The following NKAIN2 variants were observed in gnomAD, a reference collection of about 807,000 sequenced individuals.
NKAIN2 encodes the protein sodium/potassium transporting ATPase interacting 2.
A neutral mutation model predicts 32.6 loss-of-function variants in NKAIN2; 14 were observed. The ratio of observed to expected loss-of-function variants is 0.43; its 90% CI spans 0.28 to 0.67. The LOEUF (loss-of-function observed/expected upper bound fraction) is 0.67, where lower values mean the gene tolerates loss of function less well. Ranked by LOEUF, NKAIN2 falls within the 30% of genes least tolerant of loss-of-function variation. The pLI is 0.17. For missense variants in NKAIN2, 198 were observed against 258.3 expected (o/e 0.77, Z 1.60); for synonymous variants, 80 against 87.2 (o/e 0.92, Z 0.46).
intron 1 of NKAIN2, among the ~76,000 whole-genome samples, chr6:123,805,367 TG>T (rs527904372): frequency 1.8e-3 from 281 of 152,322 alleles, no homozygotes; most frequent in Non-Finnish European, 3.3e-3. Context: ...TAAGTGTTCT[TG>T]TTTATCAGTT....
chr6:124,818,280 T>C, intron 5 of NKAIN2, 107 bp from the exon 6 acceptor site: 1 of 480,158 alleles, frequency 2.1e-6, no homozygotes, highest in Non-Finnish European at 3.8e-6. Flanking sequence ...CTTTTAGAAG[T>C]TTAATAGATT....
chr6:124,008,557 T>C (rs1780183929), intron 1 of NKAIN2, among the ~76,000 whole-genome samples: 1 of 152,104 alleles, frequency 6.6e-6, no homozygotes, highest in Non-Finnish European at 1.5e-5. Context: ...CTAATGCCAT[T>C]GTGAGGCCTC....
chr6:124,278,912 A>G (rs1418602349), intron 1 of NKAIN2, among the ~76,000 whole-genome samples: 1 of 152,052 alleles, frequency 6.6e-6, no homozygotes, highest in South Asian at 2.1e-4. Flanking sequence ...ATTAAAATGC[A>G]ATGCCTTAAT....
In NKAIN2 at chr6:124,752,602, T is replaced by G. The variant is rs188495314; in HGVS notation, c.475-38737T>G. On this transcript the variant is annotated intron_variant, in intron 4 of 6. Coordinates refer to ENST00000368417, the MANE Select transcript of NKAIN2 (RefSeq NM_001040214.3). The stretch of plus-strand genomic sequence containing the variant: ...GTTTGGGGAGTGTAAGCATTTACAA[T>G]AAGCAGCTAATTTCACAGGATGACA... 5.6e-3 allele frequency among the ~76,000 whole-genome samples: 853 copies of G among 151,938 alleles called. 2 individuals carry two copies. Among genetic ancestry groups the G allele is most frequent in the Non-Finnish European group, 8.5e-3 (575 of 67,900 alleles).
intron 1 of NKAIN2, among the ~76,000 whole-genome samples, chr6:123,993,543 G>T (rs568658235): frequency 4.1e-4 from 63 of 152,074 alleles, no homozygotes; most frequent in Non-Finnish European, 6.8e-4. Flanking sequence ...TACCATCTTT[G>T]AAATAAAACA....
At chr6:124,081,108 ATATTGAC>A (rs1783948996) in intron 1 of NKAIN2, among the ~76,000 whole-genome samples, 1 of 152,098 alleles carries the variant, frequency 6.6e-6, no homozygotes, top group Non-Finnish European at 1.5e-5. Context: ...TTTATATTGC[ATATTGAC>A]TTTCCTCTAT....
chr6:124,717,129 C>CA (rs1775792705), intron 4 of NKAIN2, among the ~76,000 whole-genome samples: 1 of 152,198 alleles, frequency 6.6e-6, no homozygotes, highest in East Asian at 1.9e-4. Flanking sequence ...TTGACACTTT[C>CA]TCATTATTTG....
rs531676634 is a variant in NKAIN2, at chr6:124,736,215, T to G, written c.475-55124T>G. On this transcript the variant is annotated intron_variant, in intron 4 of 6. Coordinates refer to ENST00000368417, the MANE Select transcript of NKAIN2 (RefSeq NM_001040214.3). ...ACAGCCACAAAATTCCCCAAAGCTCTCTTCACTTGTATGAAGGCTGAGAGA... is the reference window on the plus strand; with the variant it reads ...ACAGCCACAAAATTCCCCAAAGCTCGCTTCACTTGTATGAAGGCTGAGAGA... Among the ~76,000 whole-genome samples the G allele has an allele frequency of 3.9e-5, 6 of 152,054 alleles. No individual in the cohort carries two copies. The East Asian group carries it at 1.2e-3, about 30-fold the overall frequency.
At chr6:124,605,007 C>G (rs1782445339) in intron 3 of NKAIN2, among the ~76,000 whole-genome samples, 1 of 152,018 alleles carries the variant, frequency 6.6e-6, no homozygotes, top group African/African-American at 2.4e-5. Flanking sequence ...CGGGCTTCCT[C>G]TAAACTTGTC....
Position 123,804,085 on chromosome 6 carries a change from A to G in NKAIN2, c.-116A>G. On this transcript the variant is annotated 5_prime_UTR_variant, in exon 1 of 7. Transcript: ENST00000368417. ...GACGCTGGCAGCAGCAGCAGCCCGG[A>G]GCCCCCGAGCCCTCGGCAGGTTTGC... 2.2e-6 allele frequency: 2 copies of G among 913,660 alleles called. No homozygotes were observed. Among genetic ancestry groups the G allele is most frequent in the East Asian group, 2.4e-5 (1 of 41,642 alleles). The allele number at this position is 913,660 out of a possible 1,614,324, so 56.6% of individuals were successfully genotyped here. A position where few individuals can be genotyped will look rare whatever the true frequency, so the allele number is the denominator to read the frequency against.
chr6:123,948,359 T>C (rs929250947), intron 1 of NKAIN2, among the ~76,000 whole-genome samples: 2 of 152,080 alleles, frequency 1.3e-5, no homozygotes, highest in African/African-American at 4.8e-5. Context: ...TTTTCCATAA[T>C]TGCTGTACTA....
chr6:124,709,527 G>A (rs1395771813), intron 4 of NKAIN2, among the ~76,000 whole-genome samples: 1 of 151,030 alleles, frequency 6.6e-6, no homozygotes, highest in Non-Finnish European at 1.5e-5. Context: ...TCCTGTTATT[G>A]GTCTATTCAG....
At chr6:123,980,499 G>C (rs1372755011) in intron 1 of NKAIN2, among the ~76,000 whole-genome samples, 1 of 152,162 alleles carries the variant, frequency 6.6e-6, no homozygotes, top group Non-Finnish European at 1.5e-5. Context: ...TTGCTGAAAC[G>C]TCGTCTTGAT....
intron 4 of NKAIN2, among the ~76,000 whole-genome samples, chr6:124,664,002 T>C (rs1354009784): frequency 6.6e-6 from 1 of 152,092 alleles, no homozygotes; most frequent in Non-Finnish European, 1.5e-5. Flanking sequence ...TGCTAATGCT[T>C]GGTGGCTCAT....
intron 1 of NKAIN2, among the ~76,000 whole-genome samples, chr6:124,243,425 G>A (rs1412740609): frequency 1.3e-5 from 2 of 151,954 alleles, no homozygotes; most frequent in African/African-American, 2.4e-5. Context: ...AATCTGGGAG[G>A]TGGAGGTTGC....
chr6:124,270,866 G>A (rs1198991296), intron 1 of NKAIN2, among the ~76,000 whole-genome samples: 1 of 152,156 alleles, frequency 6.6e-6, no homozygotes, highest in Non-Finnish European at 1.5e-5. Context: ...ACTGTCATTT[G>A]AACAGCTACA....
Position 124,069,687 on chromosome 6 carries a change from T to C in NKAIN2, c.55-213318T>C, listed in dbSNP as rs79233690. Reference sequence around the variant, plus strand: ...TGTGGAGATATGGCTCAAGTGTAGATGAATGAATGAGGGCCATGCATAGAA... The same window carrying C: ...TGTGGAGATATGGCTCAAGTGTAGACGAATGAATGAGGGCCATGCATAGAA... On this transcript the variant is annotated intron_variant, in intron 1 of 6. Transcript: ENST00000368417. Among the ~76,000 whole-genome samples, 1,490 of 152,222 alleles carry C rather than the reference T, an allele frequency of 9.8e-3. 23 individuals are homozygous for C. The highest frequency in any genetic ancestry group is 0.034 in the African/African-American group (1,417 of 41,540).
In NKAIN2 at chr6:124,156,358, C is replaced by T. The variant is rs1173626773; in HGVS notation, c.55-126647C>T. Among the ~76,000 whole-genome samples the T allele has an allele frequency of 2.6e-5, 4 of 152,234 alleles. No homozygotes were observed. The East Asian group carries it at 7.7e-4, about 29-fold the overall frequency. On this transcript the variant is annotated intron_variant, in intron 1 of 6. Coordinates refer to ENST00000368417, the MANE Select transcript of NKAIN2 (RefSeq NM_001040214.3). Reference sequence around the variant, plus strand: ...TATTGAGCACCTTCCCTAGATACAGCTATCCTACATACCAGGATTTCAGCA... The same window carrying T: ...TATTGAGCACCTTCCCTAGATACAGTTATCCTACATACCAGGATTTCAGCA...
chr6:124,228,686 CT>C (rs1792252163), intron 1 of NKAIN2, among the ~76,000 whole-genome samples: 1 of 152,116 alleles, frequency 6.6e-6, no homozygotes, highest in East Asian at 1.9e-4. Context: ...TTGTAAGCCT[CT>C]TGCATTTAGA....
Sources: gnomAD v4.1 joint callset for allele counts (sites outside exome capture counted in the v4.1 genomes callset) on GRCh38, gnomAD v4.1.1 for gene constraint, MANE v1.5 for transcripts, NCBI Gene and HGNC (gene_info 2026-07-23, HGNC 2026-07-21) for gene names.